Variants in RNF150 observed in about 807,000 individuals in gnomAD.
RNF150 encodes ring finger protein 150.
Under a neutral mutation model 39.3 loss-of-function variants are expected in RNF150, and 24 were observed. The ratio of observed to expected loss-of-function variants is 0.61; its 90% confidence interval spans 0.44 to 0.86. The LOEUF is 0.86. Ranked by LOEUF, RNF150 falls within the 40% of genes least tolerant of loss-of-function variation. RNF150 has a pLI of 0.00. For synonymous variants in RNF150, 255 were observed against 227.3 expected, an observed-to-expected ratio of 1.12 and a Z score of -1.10; for missense variants, 502 against 587.8, an observed-to-expected ratio of 0.85 and a Z score of 1.51.
chr4:141,016,090 A>G (rs1376860281), intron 1 of RNF150, among the ~76,000 whole-genome samples: 1 of 152,194 alleles, frequency 6.6e-6, no homozygotes, highest in Non-Finnish European at 1.5e-5. Flanking sequence ...TCCCCATTGT[A>G]AAACCACCTT....
At chr4:140,933,456 G>C (rs193160294) in intron 4 of RNF150, among the ~76,000 whole-genome samples, 5 of 152,300 alleles carry the variant, frequency 3.3e-5, no homozygotes, top group African/African-American at 4.8e-5. Context: ...CAGCATTCTG[G>C]ATTTTGGATT....
At chr4:141,117,797 A>C (rs1170836106) in intron 1 of RNF150, among the ~76,000 whole-genome samples, 1 of 152,250 alleles carries the variant, frequency 6.6e-6, no homozygotes, top group Non-Finnish European at 1.5e-5. Flanking sequence ...TGTTCAGAAC[A>C]AATGGCAATT....
intron 5 of RNF150, among the ~76,000 whole-genome samples, chr4:140,916,145 C>G (rs1730817398): frequency 6.6e-6 from 1 of 152,176 alleles, no homozygotes; most frequent in African/African-American, 2.4e-5. Context: ...CACCTCTCCT[C>G]CTCCAAAAGA....
At chr4:140,915,420 A>G (rs1730778452) in intron 5 of RNF150, among the ~76,000 whole-genome samples, 1 of 152,194 alleles carries the variant, frequency 6.6e-6, no homozygotes, top group Non-Finnish European at 1.5e-5. Flanking sequence ...GTGCTACCCA[A>G]CGGTAGAAGG....
intron 1 of RNF150, among the ~76,000 whole-genome samples, chr4:141,160,717 T>C (rs935875356): frequency 6.6e-6 from 1 of 152,112 alleles, no homozygotes; most frequent in African/African-American, 2.4e-5. Context: ...TTTAAAAGTG[T>C]GTGGCACCTC....
chr4:140,961,082 T>C (rs887318467), intron 2 of RNF150, among the ~76,000 whole-genome samples: 2 of 152,232 alleles, frequency 1.3e-5, no homozygotes, highest in Middle Eastern at 3.4e-3. Flanking sequence ...TATCTTTAGC[T>C]ATTACCCTCT....
chr4:141,132,346 TC>T lies in RNF150; in HGVS notation c.462del (p.Thr155ProfsTer9). Reference sequence around the variant, plus strand: ...TCACCCGCGTGGGGCATGGTGATGGTCTCGTTGGTGTTGGAGCCCACGTTGA... The same window carrying T: ...TCACCCGCGTGGGGCATGGTGATGGTTCGTTGGTGTTGGAGCCCACGTTGA... ...VIFNVGSNTN[E>X]TITMPHAGVE... is the part of the protein sequence containing the mutation. On this transcript the variant is annotated frameshift_variant, in exon 1 of 7. Transcript: ENST00000515673. LOFTEE classifies it high-confidence loss of function. The surrounding 1 kb of genome is among the most constrained non-coding windows in gnomAD (Gnocchi z 4.9). The T allele has an allele frequency of 6.3e-7, 1 of 1,586,792 alleles. No individual in the cohort carries two copies. Among genetic ancestry groups the T allele is most frequent in the Non-Finnish European group, 8.6e-7 (1 of 1,166,844 alleles).
chr4:140,937,957 T>C (rs1355691921), intron 4 of RNF150, among the ~76,000 whole-genome samples: 1 of 152,202 alleles, frequency 6.6e-6, no homozygotes, highest in Non-Finnish European at 1.5e-5. Context: ...GGAAAAAATC[T>C]GTTCCTAATC....
At chr4:140,971,750 A>T (rs530255156) in intron 1 of RNF150, among the ~76,000 whole-genome samples, 44 of 152,314 alleles carry the variant, frequency 2.9e-4, no homozygotes, top group African/African-American at 9.9e-4. Flanking sequence ...ACAGAAGTTC[A>T]CAAAGCCAAA....
chr4:141,052,549 T>C (rs2110894230), intron 1 of RNF150, among the ~76,000 whole-genome samples: 1 of 152,232 alleles, frequency 6.6e-6, no homozygotes, highest in Middle Eastern at 3.4e-3. Flanking sequence ...CTAATTTTTG[T>C]ATTTTTAGTA....
chr4:141,143,548 T>A (rs1159269930), intron 1 of RNF150, among the ~76,000 whole-genome samples: 1 of 152,170 alleles, frequency 6.6e-6, no homozygotes, highest in Non-Finnish European at 1.5e-5. Flanking sequence ...ACAGTAGTCT[T>A]CTAACTGGAC....
At chr4:141,207,783 A>T (rs1201806243) in intron 1 of RNF150, among the ~76,000 whole-genome samples, 1 of 152,196 alleles carries the variant, frequency 6.6e-6, no homozygotes, top group African/African-American at 2.4e-5. Context: ...ATATAGAGAT[A>T]TGGATTCTAA....
intron 1 of RNF150, among the ~76,000 whole-genome samples, chr4:141,048,320 C>T (rs556501443): frequency 6.6e-6 from 1 of 152,262 alleles, no homozygotes; most frequent in African/African-American, 2.4e-5. Context: ...TGAGACGTCT[C>T]CCTTTGGCTA....
chr4:141,043,911 T>C (rs903514292), intron 1 of RNF150, among the ~76,000 whole-genome samples: 3 of 152,180 alleles, frequency 2.0e-5, no homozygotes, highest in Non-Finnish European at 4.4e-5. Flanking sequence ...GTGTTATGGT[T>C]ATCTGGAAGG....
intron 6 of RNF150, among the ~76,000 whole-genome samples, chr4:140,891,298 T>C (rs1729745117): frequency 6.6e-6 from 1 of 152,210 alleles, no homozygotes; most frequent in Non-Finnish European, 1.5e-5. Context: ...AAGGCTATAG[T>C]TCTCTCAAAG....
chr4:141,047,938 C>T (rs1231117586), intron 1 of RNF150, among the ~76,000 whole-genome samples: 1 of 152,116 alleles, frequency 6.6e-6, no homozygotes, highest in Non-Finnish European at 1.5e-5. Flanking sequence ...AGTAGTGATA[C>T]AGCAATTAAT....
rs149491849 is a variant in RNF150 at position 140,861,400 on chromosome 4, G to T, written c.*6861C>A. On this transcript the variant is annotated 3_prime_UTR_variant, in exon 7 of 7. Coordinates refer to ENST00000515673, the MANE Select transcript of RNF150 (RefSeq NM_020724.2). Reference sequence around the variant, plus strand: ...GGTCTCCTTCAGCTTTTTAGAGTTTGTGACACTCTTTCCTCATTTGATAAA... The same window carrying T: ...GGTCTCCTTCAGCTTTTTAGAGTTTTTGACACTCTTTCCTCATTTGATAAA... The T allele has an allele frequency of 3.4e-4, 51 of 152,082 alleles. No individual in the cohort carries two copies. The highest frequency in any genetic ancestry group is 1.2e-3 in the African/African-American group (49 of 41,502). The allele number at this position is 152,082 out of a possible 1,614,324, so 9.4% of individuals were successfully genotyped here. A position where few individuals can be genotyped will look rare whatever the true frequency, so the allele number is the denominator to read the frequency against.
intron 1 of RNF150, among the ~76,000 whole-genome samples, chr4:140,998,007 G>T (rs983475884): frequency 2.0e-5 from 3 of 152,066 alleles, no homozygotes; most frequent in Non-Finnish European, 4.4e-5. Flanking sequence ...GTATTAGCTG[G>T]TGGCCCAATG....
intron 1 of RNF150, among the ~76,000 whole-genome samples, chr4:141,058,432 A>C (rs936354609): frequency 6.6e-6 from 1 of 152,054 alleles, no homozygotes; most frequent in African/African-American, 2.4e-5. Flanking sequence ...GTACCCTTTG[A>C]TTTTTAGTCT....
Sources: gnomAD v4.1 joint callset for allele counts (sites outside exome capture counted in the v4.1 genomes callset) on GRCh38, gnomAD v4.1.1 for gene constraint, Gnocchi (gnomAD v3.1) non-coding constraint, MANE v1.5 for transcripts, NCBI Gene and HGNC (gene_info 2026-07-23, HGNC 2026-07-21) for gene names.